The following COPS2 variants were observed in gnomAD, a reference collection of about 807,000 sequenced individuals.
The protein encoded by COPS2 is COP9 signalosome complex subunit 2.
Under a neutral mutation model 66.1 loss-of-function variants are expected in COPS2, and 10 were observed. That is an observed-to-expected ratio of 0.15 (90% CI 0.09 to 0.26). The LOEUF is 0.26. Among genes scored for constraint, COPS2 ranks in the 10% least tolerant of loss-of-function variants. The pLI is 1.00. For synonymous variants in COPS2, 179 were observed against 171.3 expected (o/e 1.04, Z -0.35); for missense variants, 215 against 513.3 (o/e 0.42, Z 5.62).
chr15:49,132,829 C>A (rs1183932999), intron 9 of COPS2, among the ~76,000 whole-genome samples: 1 of 151,866 alleles, frequency 6.6e-6, no homozygotes, highest in Non-Finnish European at 1.5e-5. Flanking sequence ...TCTTATCTTC[C>A]ATAATTTTGT....
chr15:49,132,234 T>C (rs1324326043), intron 9 of COPS2, among the ~76,000 whole-genome samples: 1 of 151,908 alleles, frequency 6.6e-6, no homozygotes, highest in Non-Finnish European at 1.5e-5. Context: ...CCTTTAATAA[T>C]GAAAAGCAAC....
chr15:49,144,929 A>T, intron 2 of COPS2, 36 bp downstream of exon 2: 2 of 1,230,562 alleles, frequency 1.6e-6, no homozygotes, highest in Non-Finnish European at 2.3e-6. Context: ...CATTAAAAAA[A>T]TTAACACATA....
chr15:49,133,612 C>T, intron 9 of COPS2, 147 bp downstream of exon 9: 2 of 574,948 alleles, frequency 3.5e-6, no homozygotes, highest in Non-Finnish European at 6.1e-6. Context: ...AATAAATAAC[C>T]TCAGAAGATA....
intron 1 of COPS2, among the ~76,000 whole-genome samples, chr15:49,148,029 T>C (rs1281877217): frequency 6.6e-6 from 1 of 152,170 alleles, no homozygotes; most frequent in Non-Finnish European, 1.5e-5. Flanking sequence ...AACCCATCAT[T>C]TGCACCCCAC....
At chr15:49,135,381 G>A (rs2084243772) in intron 6 of COPS2, among the ~76,000 whole-genome samples, 1 of 152,056 alleles carries the variant, frequency 6.6e-6, no homozygotes, top group Non-Finnish European at 1.5e-5. Context: ...CTGTCATGGG[G>A]AAATACAAAG....
chr15:49,130,570 T>C (rs906759236), intron 10 of COPS2, 149 bp downstream of exon 10: 1 of 431,982 alleles, frequency 2.3e-6, no homozygotes, highest in Non-Finnish European at 4.1e-6. Flanking sequence ...TTTTAAGGAA[T>C]ATCCCATCCA....
At chr15:49,128,181 C>G (rs1192372247) in intron 12 of COPS2, 87 bp from the exon 13 acceptor site, 1 of 1,287,516 alleles carries the variant, frequency 7.8e-7, no homozygotes, top group Non-Finnish European at 1.1e-6. Context: ...ACAGTATCAA[C>G]AAATGCCAAA....
intron 1 of COPS2, among the ~76,000 whole-genome samples, chr15:49,150,162 C>G (rs570710202): frequency 4.6e-5 from 7 of 151,390 alleles, no homozygotes; most frequent in African/African-American, 1.7e-4. Flanking sequence ...GTGGCGCATG[C>G]CTGTAATCCC....
intron 4 of COPS2, 28 bp downstream of exon 4, chr15:49,139,500 G>A (rs202117213): frequency 2.9e-5 from 45 of 1,554,896 alleles, no homozygotes; most frequent in Middle Eastern, 3.5e-4. Context: ...CACACTGATC[G>A]TCCCAAGAGG....
intron 5 of COPS2, 40 bp from the exon 6 acceptor site, chr15:49,137,267 G>C (rs1268567552): frequency 6.5e-7 from 1 of 1,541,800 alleles, no homozygotes; most frequent in South Asian, 1.2e-5. Flanking sequence ...GATTTCAACA[G>C]AAGATGTGCA....
intron 6 of COPS2, 33 bp downstream of exon 6, chr15:49,137,117 A>T (rs1017870710): frequency 7.4e-7 from 1 of 1,347,892 alleles, no homozygotes. Flanking sequence ...TTTATTATGA[A>T]GAAATATTCA....
chr15:49,135,072 C>T (rs967432028), intron 6 of COPS2, among the ~76,000 whole-genome samples: 3 of 152,048 alleles, frequency 2.0e-5, no homozygotes, highest in Admixed American at 6.6e-5. Context: ...AATAACTGAT[C>T]ATAAAATAGA....
intron 1 of COPS2, 63 bp downstream of exon 1, chr15:49,155,462 C>A (rs1388586660): frequency 5.8e-6 from 9 of 1,551,440 alleles, no homozygotes; most frequent in African/African-American, 1.4e-5. Context: ...CGCGGGCGCC[C>A]CGGCCCGGAC....
chr15:49,133,710 T>C (rs768082772), intron 9 of COPS2, 49 bp downstream of exon 9: 15 of 1,323,650 alleles, frequency 1.1e-5, no homozygotes, highest in Non-Finnish European at 1.5e-5. Context: ...CTCTTTCCTT[T>C]ATGAACTGCT....
intron 1 of COPS2, among the ~76,000 whole-genome samples, chr15:49,145,837 A>T (rs571220022): frequency 1.3e-5 from 2 of 152,280 alleles, no homozygotes; most frequent in South Asian, 4.1e-4. Context: ...ATTCAACCTA[A>T]TAATGAGGAT....
At chr15:49,132,805 G>C (rs1169319734) in intron 9 of COPS2, among the ~76,000 whole-genome samples, 3 of 151,766 alleles carry the variant, frequency 2.0e-5, no homozygotes, top group Non-Finnish European at 4.4e-5. Context: ...TTTTCTTCTA[G>C]GTTTTTTGTT....
At chr15:49,147,985 T>C (rs1167357715) in intron 1 of COPS2, among the ~76,000 whole-genome samples, 1 of 152,186 alleles carries the variant, frequency 6.6e-6, no homozygotes, top group Non-Finnish European at 1.5e-5. Flanking sequence ...CAACGCCATG[T>C]TCGTAGGCTT....
chr15:49,154,223 T>C (rs1430806124), intron 1 of COPS2, among the ~76,000 whole-genome samples: 3 of 152,036 alleles, frequency 2.0e-5, no homozygotes, highest in Non-Finnish European at 4.4e-5. Context: ...ACCTGTAATA[T>C]AAATAAACAG....
At chr15:49,136,692 G>C (rs1566883284) in intron 6 of COPS2, among the ~76,000 whole-genome samples, 1 of 152,006 alleles carries the variant, frequency 6.6e-6, no homozygotes, top group Non-Finnish European at 1.5e-5. Context: ...ATTAGACAAA[G>C]AATAAAGATT....
Sources: gnomAD v4.1 joint callset for allele counts (sites outside exome capture counted in the v4.1 genomes callset) on GRCh38, gnomAD v4.1.1 for gene constraint, MANE v1.5 for transcripts, NCBI Gene and HGNC (gene_info 2026-07-23, HGNC 2026-07-21) for gene names.